Variants in ZNF658 observed in about 807,000 individuals in gnomAD.
ZNF658 encodes zinc finger protein 658.
A neutral mutation model predicts 78.0 loss-of-function variants in ZNF658; 46 were observed. That is an observed-to-expected ratio of 0.59 (90% CI 0.47 to 0.75). ZNF658 has a LOEUF of 0.75. ZNF658 is among the 30% of genes least tolerant of loss of function. The probability of loss-of-function intolerance (pLI) is 0.00; values close to 1 mark genes in which losing one functional copy is unlikely to be tolerated. For synonymous variants in ZNF658, 279 were observed against 408.4 expected (o/e 0.68, Z 3.82); for missense variants, 785 against 1,189.3 (o/e 0.66, Z 5.00).
intron 4 of ZNF658, among the ~76,000 whole-genome samples, chr9:66,914,960 G>T (rs1822299729): frequency 6.6e-6 from 1 of 152,042 alleles, no homozygotes; most frequent in Admixed American, 6.6e-5. Context: ...TTTTCTAGAA[G>T]ACATTGTGTA....
At chr9:66,929,011 C>A (rs1822613658) in intron 6 of ZNF658, among the ~76,000 whole-genome samples, 1 of 151,360 alleles carries the variant, frequency 6.6e-6, no homozygotes, top group Non-Finnish European at 1.5e-5. Context: ...ACATGTTAAA[C>A]CCACTCTGTT....
chr9:66,908,726 G>C lies in ZNF658; in HGVS notation c.230G>C (p.Arg77Thr). Residue 77 changes from arginine to threonine, a missense_variant, in exon 4 of 5, where the codon AGG (arginine) becomes ACG (threonine). This residue lies in a region of ZNF658 where 79 missense variants were observed against 96.5 expected (regional missense o/e 0.82). Coordinates refer to ENST00000621410, the MANE Select transcript of ZNF658 (RefSeq NM_033160.7). Reference sequence around the variant, plus strand: ...TTAGAAGATGAATTCCTGAACCAGAGGTACCCAGGTGAGTGGGCATTAACA... The same window carrying C: ...TTAGAAGATGAATTCCTGAACCAGACGTACCCAGGTGAGTGGGCATTAACA... ...WSLEDEFLNQ[R>T]YPGYFKVDHI... 2 of 1,610,898 alleles carry C rather than the reference G, an allele frequency of 1.2e-6. No individual in the cohort carries two copies. The highest frequency in any genetic ancestry group is 1.7e-4 in the Middle Eastern group (1 of 6,044).
chr9:66,901,594 A>G (rs368840339), intron 1 of ZNF658, among the ~76,000 whole-genome samples: 195 of 152,034 alleles, frequency 1.3e-3, no homozygotes, highest in Admixed American at 4.5e-3. Flanking sequence ...AAAGGCACAG[A>G]TTGATATTCT....
downstream of ZNF658, among the ~76,000 whole-genome samples, chr9:66,926,376 C>T (rs944463319): frequency 6.6e-6 from 1 of 151,488 alleles, no homozygotes; most frequent in Non-Finnish European, 1.5e-5. Flanking sequence ...GTCAATTCAG[C>T]AAAGTAGTAT....
In ZNF658 at chr9:66,918,675, C is replaced by A; in HGVS notation, c.1109C>A (p.Ala370Glu). 6.2e-7 allele frequency: 1 copy of A among 1,613,854 alleles called. No individual in the cohort carries two copies. The highest frequency in any genetic ancestry group is 8.5e-7 in the Non-Finnish European group (1 of 1,179,848). ...DALYQKLDFT[A>E]HQRIHTEDKF... ...CTCTACCAGAAATTAGACTTTACAG[C>A]ACATCAGAGAATTCACACAGAAGAT... Residue 370 changes from alanine (A) to glutamate (E), a missense_variant, in exon 5 of 5, where the codon GCA becomes GAA. Ala to Glu is a moderately radical substitution (Grantham distance 107). Around this residue, in one of 12 missense-constraint regions of ZNF658, gnomAD observed 393 missense variants for 400.2 expected, o/e 0.98. Coordinates refer to ENST00000621410, the MANE Select transcript of ZNF658 (RefSeq NM_033160.7).
At chr9:66,927,417 G>T (rs1188536917) in intron 6 of ZNF658, among the ~76,000 whole-genome samples, 1 of 152,056 alleles carries the variant, frequency 6.6e-6, no homozygotes, top group Non-Finnish European at 1.5e-5. Context: ...ACACGATGGT[G>T]CATTTACTAT....
chr9:66,902,971 C>A (rs1432580310), intron 1 of ZNF658: 4 of 152,208 alleles, frequency 2.6e-5, no homozygotes, highest in African/African-American at 9.7e-5. Context: ...CAGCAGTTCA[C>A]CCCCCTCGGC....
chr9:66,911,325 T>G (rs1228930022), intron 4 of ZNF658, among the ~76,000 whole-genome samples: 2 of 78,792 alleles, frequency 2.5e-5, no homozygotes, highest in Non-Finnish European at 5.0e-5. Flanking sequence ...AAATTAATAA[T>G]AAAATGAAAA....
downstream of ZNF658, among the ~76,000 whole-genome samples, chr9:66,921,667 C>T (rs920150124): frequency 2.0e-5 from 3 of 152,034 alleles, no homozygotes; most frequent in African/African-American, 7.2e-5. Context: ...TATTGCTAAT[C>T]GATTGCAGAA....
intron 6 of ZNF658, among the ~76,000 whole-genome samples, chr9:66,929,903 C>A (rs1016859522): frequency 2.2e-5 from 3 of 137,704 alleles, no homozygotes; most frequent in Admixed American, 1.5e-4. Context: ...CCTGCCTCAG[C>A]CTCCTGAGTA....
At chr9:66,925,801 G>T, downstream of ZNF658, among the ~76,000 whole-genome samples, 1 of 151,522 alleles carries the variant, frequency 6.6e-6, no homozygotes, top group East Asian at 1.9e-4. Flanking sequence ...GAAAACTACA[G>T]GTCTATGTCC....
At position 66,918,715 on chromosome 9, in the gene ZNF658, T is replaced by G; in HGVS notation, c.1149T>G (p.Ser383=). The part of the protein sequence containing the change: ...RIHTEDKFYL[S]DEHGKCRKSF... ...ACACAGAAGATAAATTCTACCTTTC[T>G]GATGAACATGGGAAATGCAGAAAAT... The change falls in exon 5 of 5, where the codon TCT becomes TCG. Residue 383 remains serine (S), a synonymous_variant. Transcript: ENST00000621410. The G allele has an allele frequency of 6.2e-7, 1 of 1,613,952 alleles. No homozygotes were observed. Among genetic ancestry groups the G allele is most frequent in the Non-Finnish European group, 8.5e-7 (1 of 1,179,858 alleles).
At chr9:66,904,265 A>G (rs1480321470) in intron 2 of ZNF658, among the ~76,000 whole-genome samples, 1 of 152,114 alleles carries the variant, frequency 6.6e-6, no homozygotes, top group African/African-American at 2.4e-5. Flanking sequence ...TACCCATAGT[A>G]TAATCAAATC....
At chr9:66,925,690 A>G (rs1171855504), downstream of ZNF658, among the ~76,000 whole-genome samples, 1 of 152,148 alleles carries the variant, frequency 6.6e-6, no homozygotes, top group Non-Finnish European at 1.5e-5. Flanking sequence ...AATCATTTTA[A>G]AACCCTTCCC....
chr9:66,900,994 C>T (rs1186729486), intron 1 of ZNF658, 158 bp downstream of exon 1: 1 of 152,170 alleles, frequency 6.6e-6, no homozygotes, highest in Non-Finnish European at 1.5e-5. Context: ...GTCCTGTCCG[C>T]AGGTGTAGGG....
intron 4 of ZNF658, among the ~76,000 whole-genome samples, chr9:66,914,104 G>A (rs1822277789): frequency 6.6e-6 from 1 of 151,638 alleles, no homozygotes; most frequent in African/African-American, 2.4e-5. Flanking sequence ...CATTGAATCT[G>A]TAGAACTTAG....
chr9:66,907,659 A>G (rs980770544), intron 2 of ZNF658, among the ~76,000 whole-genome samples: 23 of 152,334 alleles, frequency 1.5e-4, no homozygotes, highest in African/African-American at 5.3e-4. Context: ...AGCTTCTCAT[A>G]CAGCTAGATT....
At chr9:66,900,885 G>C (rs987620748) in intron 1 of ZNF658, 49 bp downstream of exon 1, 1 of 152,112 alleles carries the variant, frequency 6.6e-6, no homozygotes, top group African/African-American at 2.4e-5. Flanking sequence ...ACCTGGGGAC[G>C]GGCGGGCTTG....
rs191996620 is a variant in ZNF658 at position 66,913,381 on chromosome 9, C to T, written c.239-4424C>T. ...CAGAGGTTGCAGTGAGCCAAGATTG[C>T]GCCACTCCATTCCAGCCTGGGTGAC... is the stretch of plus-strand genomic sequence containing the variant. On this transcript the variant is annotated intron_variant, in intron 4 of 4. Coordinates refer to ENST00000621410, the MANE Select transcript of ZNF658 (RefSeq NM_033160.7). 2.4e-3 allele frequency among the ~76,000 whole-genome samples: 365 copies of T among 151,386 alleles called. 2 individuals carry two copies. Among genetic ancestry groups the T allele is most frequent in the African/African-American group, 8.4e-3 (348 of 41,190 alleles).
Sources: allele counts gnomAD v4.1 joint callset (sites outside exome capture counted in the v4.1 genomes callset), GRCh38; gene constraint gnomAD v4.1.1; regional missense constraint gnomAD v4.1.1; transcripts MANE v1.5; gene names NCBI Gene and HGNC (gene_info 2026-07-23, HGNC 2026-07-21).